The following SCN11A variants were observed in gnomAD, a reference collection of about 807,000 sequenced individuals.
SCN11A encodes the protein sodium channel protein type 11 subunit alpha.
Under a neutral mutation model 162.2 loss-of-function variants are expected in SCN11A, and 122 were observed. That is an observed-to-expected ratio of 0.75 (90% CI 0.65 to 0.87). The LOEUF (loss-of-function observed/expected upper bound fraction) is 0.87, where lower values mean the gene tolerates loss of function less well. SCN11A is among the 40% of genes least tolerant of loss of function. The pLI is 0.00. For missense variants in SCN11A, 2,015 were observed against 2,181.6 expected, an observed-to-expected ratio of 0.92 and a Z score of 1.52; for synonymous variants, 758 against 751.5, an observed-to-expected ratio of 1.01 and a Z score of -0.14.
intron 7 of SCN11A, among the ~76,000 whole-genome samples, chr3:38,945,063 T>C (rs188961729): frequency 1.3e-3 from 196 of 152,300 alleles, no homozygotes; most frequent in Non-Finnish European, 2.0e-3. Flanking sequence ...AGTAAATACA[T>C]AAATACAGCT....
At chr3:38,899,720 C>T (rs1232002548) in intron 17 of SCN11A, among the ~76,000 whole-genome samples, 174 bp downstream of exon 17, 2 of 152,070 alleles carry the variant, frequency 1.3e-5, no homozygotes, top group African/African-American at 4.8e-5. Flanking sequence ...GCGAAGTCCC[C>T]CCAGGGACTT....
At chr3:38,895,519 T>C (rs942213694) in intron 18 of SCN11A, among the ~76,000 whole-genome samples, 5 of 152,236 alleles carry the variant, frequency 3.3e-5, no homozygotes, top group African/African-American at 9.6e-5. Flanking sequence ...CACTTCAAAT[T>C]CACATAATCC....
chr3:39,028,308 T>C (rs997928587), intron 2 of SCN11A, among the ~76,000 whole-genome samples: 1 of 152,190 alleles, frequency 6.6e-6, no homozygotes, highest in Non-Finnish European at 1.5e-5. Context: ...GAGTTCATAG[T>C]ACAGATTTTT....
intron 28 of SCN11A, among the ~76,000 whole-genome samples, chr3:38,860,356 G>C (rs2064943802): frequency 6.6e-6 from 1 of 151,884 alleles, no homozygotes; most frequent in Non-Finnish European, 1.5e-5. Context: ...AACACTAAAA[G>C]ATAGAGAAAG....
chr3:38,916,256 C>A (rs76968145), intron 11 of SCN11A, among the ~76,000 whole-genome samples: 6 of 152,076 alleles, frequency 3.9e-5, no homozygotes, highest in African/African-American at 1.4e-4. Context: ...GCTTTTTTAT[C>A]CAGCTTGCCA....
chr3:38,940,510 T>A (rs2066425189), intron 7 of SCN11A, among the ~76,000 whole-genome samples: 1 of 152,136 alleles, frequency 6.6e-6, no homozygotes, highest in South Asian at 2.1e-4. Flanking sequence ...GAAAAGAAAG[T>A]CCAGAAATAG....
intron 2 of SCN11A, among the ~76,000 whole-genome samples, chr3:38,987,505 A>G (rs962657662): frequency 2.0e-5 from 3 of 152,138 alleles, no homozygotes; most frequent in Admixed American, 1.3e-4. Context: ...ATGTGGATCA[A>G]GTATTGAGGA....
At chr3:39,035,433 T>A (rs147986345) in intron 1 of SCN11A, among the ~76,000 whole-genome samples, 9 of 152,348 alleles carry the variant, frequency 5.9e-5, no homozygotes, top group African/African-American at 2.2e-4. Context: ...TCTTGCCGTA[T>A]ATAAAAATCA....
intron 2 of SCN11A, among the ~76,000 whole-genome samples, chr3:38,997,564 C>T (rs914756885): frequency 5.9e-5 from 9 of 152,174 alleles, no homozygotes; most frequent in Non-Finnish European, 1.0e-4. Flanking sequence ...AGGTTTGATA[C>T]GTATTCCTCT....
intron 19 of SCN11A, among the ~76,000 whole-genome samples, chr3:38,891,946 T>G (rs560972969): frequency 7.2e-6 from 1 of 139,784 alleles, no homozygotes; most frequent in South Asian, 2.3e-4. Context: ...AAACCCCAAG[T>G]AGAAAAAACA....
chr3:38,942,230 G>C (rs1179210005), intron 7 of SCN11A, among the ~76,000 whole-genome samples: 1 of 152,080 alleles, frequency 6.6e-6, no homozygotes, highest in African/African-American at 2.4e-5. Flanking sequence ...CAAAAAGAGA[G>C]AAAGAACAGA....
In SCN11A at chr3:38,847,030, G is replaced by A; in HGVS notation, c.5040C>T (p.Leu1680=). 1 of 1,613,966 alleles carries A rather than the reference G, an allele frequency of 6.2e-7. No homozygotes were observed. Among genetic ancestry groups the A allele is most frequent in the South Asian group, 1.1e-5 (1 of 91,032 alleles). Residue 1680 remains leucine (L), a synonymous_variant, in exon 30 of 30, where the codon CTC becomes CTT. Transcript: ENST00000302328. ...AGGCGAAAAGAATATCCATGCAGTG[G>A]AGGCGATCTTCACTCACCATGGGCA... ...MDLPMVSEDR[L]HCMDILFAFT...
At chr3:38,863,784 A>G (rs762139823) in intron 27 of SCN11A, among the ~76,000 whole-genome samples, 6 of 152,160 alleles carry the variant, frequency 3.9e-5, no homozygotes, top group Non-Finnish European at 7.4e-5. Context: ...TTCACTACTG[A>G]GCAAGAAAGA....
chr3:39,034,769 T>C (rs763681090), intron 1 of SCN11A, among the ~76,000 whole-genome samples: 7 of 152,132 alleles, frequency 4.6e-5, no homozygotes, highest in Non-Finnish European at 1.0e-4. Context: ...AGTTGCAGGA[T>C]ATAAAAATCA....
At chr3:38,925,969 T>G (rs1233962423) in intron 8 of SCN11A, among the ~76,000 whole-genome samples, 2 of 152,232 alleles carry the variant, frequency 1.3e-5, no homozygotes, top group African/African-American at 4.8e-5. Context: ...CACACAATCT[T>G]TGAACTTCAA....
At chr3:38,931,451 A>C (rs2066239342) in intron 7 of SCN11A, among the ~76,000 whole-genome samples, 1 of 152,284 alleles carries the variant, frequency 6.6e-6, no homozygotes, top group African/African-American at 2.4e-5. Context: ...AGATGTGTAC[A>C]TGATTTAGAG....
chr3:39,038,999 GA>G (rs1180376916), intron 1 of SCN11A, among the ~76,000 whole-genome samples: 1 of 152,138 alleles, frequency 6.6e-6, no homozygotes, highest in African/African-American at 2.4e-5. Flanking sequence ...GCATTTGGTA[GA>G]TCTATCTGTT....
intron 7 of SCN11A, among the ~76,000 whole-genome samples, chr3:38,927,710 G>A (rs1406679952): frequency 6.6e-6 from 1 of 152,182 alleles, no homozygotes; most frequent in Non-Finnish European, 1.5e-5. Flanking sequence ...TACGGCAGCA[G>A]GAAGGAGAAG....
chr3:38,920,168 T>C lies in SCN11A; in HGVS notation c.893-167A>G, dbSNP rs6599269. On this transcript the variant is annotated intron_variant, in intron 10 of 29. Coordinates refer to ENST00000302328, the MANE Select transcript of SCN11A (RefSeq NM_001349253.2). ...TGGAGCCCAAGACCTCTGGAAGGAGTAAGAAGGAAGGAGGGAAAAGAAGAA... is the reference window on the plus strand; with the variant it reads ...TGGAGCCCAAGACCTCTGGAAGGAGCAAGAAGGAAGGAGGGAAAAGAAGAA... Among the ~76,000 whole-genome samples the C allele has an allele frequency of 0.89, 135,626 of 152,158 alleles. 60,516 individuals carry two copies. The highest frequency in any genetic ancestry group is 0.92 in the South Asian group (4,424 of 4,818).
Sources: gnomAD v4.1 joint callset for allele counts (sites outside exome capture counted in the v4.1 genomes callset) on GRCh38, gnomAD v4.1.1 for gene constraint, MANE v1.5 for transcripts, NCBI Gene and HGNC (gene_info 2026-07-23, HGNC 2026-07-21) for gene names.